PCDHA3: variants seen among roughly 807,000 people sequenced by gnomAD.
PCDHA3 encodes protocadherin alpha-3.
Under a neutral mutation model 62.2 loss-of-function variants are expected in PCDHA3, and 41 were observed. That is an observed-to-expected ratio of 0.66 (90% CI 0.51 to 0.86). The LOEUF (loss-of-function observed/expected upper bound fraction) is 0.86, where lower values mean the gene tolerates loss of function less well. Among genes scored for constraint, PCDHA3 ranks in the 40% least tolerant of loss-of-function variants. PCDHA3 has a pLI of 0.00. For missense variants in PCDHA3, 1,304 were observed against 1,241.2 expected (o/e 1.05, Z -0.76); for synonymous variants, 640 against 555.4 (o/e 1.15, Z -2.14).
At chr5:140,879,743 C>A (rs553188333) in intron 1 of PCDHA3, among the ~76,000 whole-genome samples, 2 of 152,274 alleles carry the variant, frequency 1.3e-5, no homozygotes, top group South Asian at 2.1e-4. Context: ...AAGGTGTTGT[C>A]AAGGCTATAC....
intron 1 of PCDHA3, chr5:140,966,601 T>C: frequency 1.5e-6 from 1 of 652,170 alleles, no homozygotes; most frequent in East Asian, 3.4e-5. Flanking sequence ...CCAGGAGCCC[T>C]TGGGAGGGCC....
chr5:140,985,572 C>G (rs2097158307), intron 3 of PCDHA3, among the ~76,000 whole-genome samples: 1 of 152,142 alleles, frequency 6.6e-6, no homozygotes, highest in Non-Finnish European at 1.5e-5. Context: ...CTTTCTGGTG[C>G]CTAAGCCTCC....
intron 1 of PCDHA3, chr5:140,834,738 G>A (rs2150225260): frequency 5.6e-6 from 9 of 1,614,242 alleles, no homozygotes; most frequent in Non-Finnish European, 7.6e-6. Context: ...GGTTTTCCAT[G>A]TGGACGTGGA....
Position 140,925,641 on chromosome 5 carries a change from T to TATAATAATAATA in PCDHA3, c.2395-53282_2395-53271dup, listed in dbSNP as rs10569930. On this transcript the variant is annotated intron_variant, in intron 1 of 3. Coordinates refer to ENST00000522353, the MANE Select transcript of PCDHA3 (RefSeq NM_018906.3). ...TGCACATGTACCCTAGAACTTAAAG[T>TATAATAATAATA]ATAATAATAATAATAATAATAATAA... 2.2e-3 allele frequency among the ~76,000 whole-genome samples: 310 copies of TATAATAATAATA among 143,350 alleles called. 1 individual carries two copies. The highest frequency in any genetic ancestry group is 2.8e-3 in the East Asian group (14 of 4,930). 94.0% of individuals were successfully genotyped at this position (143,350 alleles called of 152,430 possible).
At chr5:140,862,877 G>T in intron 1 of PCDHA3, 1 of 567,556 alleles carries the variant, frequency 1.8e-6, no homozygotes. Flanking sequence ...CCAGGTATTA[G>T]TGCTGGAACG....
At chr5:140,887,376 G>A (rs1169212781) in intron 1 of PCDHA3, among the ~76,000 whole-genome samples, 1 of 152,158 alleles carries the variant, frequency 6.6e-6, no homozygotes, top group Non-Finnish European at 1.5e-5. Context: ...GATTACAGGT[G>A]TGAGCCACCG....
Position 140,802,515 on chromosome 5 carries a change from A to G in PCDHA3, c.1318A>G (p.Ser440Gly), listed in dbSNP as rs782713590. 2.5e-6 allele frequency: 4 copies of G among 1,614,046 alleles called. No individual in the cohort carries two copies. Among genetic ancestry groups the G allele is most frequent in the African/African-American group, 2.7e-5 (2 of 74,936 alleles). Residue 440 changes from serine to glycine, a missense_variant, in exon 1 of 4, where the codon AGC (serine) becomes GGC (glycine). Coordinates refer to ENST00000522353, the MANE Select transcript of PCDHA3 (RefSeq NM_018906.3). ...CTCGCCTTCACTGTGGGCCACGGCC[A>G]GCGTGTCCGTGGAGGTGGCCGACGT... ...GGSPSLWATA[S>G]VSVEVADVND...
At chr5:140,857,184 G>C in intron 1 of PCDHA3, 1 of 1,598,552 alleles carries the variant, frequency 6.3e-7, no homozygotes. Flanking sequence ...CATGATTCAG[G>C]AGCCAACGGA....
At chr5:140,875,265 T>G in intron 1 of PCDHA3, 1 of 1,201,060 alleles carries the variant, frequency 8.3e-7, no homozygotes, top group Non-Finnish European at 1.1e-6. Context: ...GATGTCGCTC[T>G]ACACTCAGAA....
intron 1 of PCDHA3, among the ~76,000 whole-genome samples, chr5:140,939,849 G>A (rs1554212970): frequency 6.6e-6 from 1 of 152,134 alleles, no homozygotes; most frequent in Non-Finnish European, 1.5e-5. Context: ...GTTGTGTTCT[G>A]TATATGTCCA....
chr5:140,918,706 G>A (rs528090085), intron 1 of PCDHA3, among the ~76,000 whole-genome samples: 10 of 152,108 alleles, frequency 6.6e-5, no homozygotes, highest in Non-Finnish European at 1.5e-4. Context: ...AGTCATGAGG[G>A]CAGAGCCCTC....
At chr5:140,988,482 C>T (rs1017365611) in intron 3 of PCDHA3, among the ~76,000 whole-genome samples, 1 of 152,152 alleles carries the variant, frequency 6.6e-6, no homozygotes, top group Non-Finnish European at 1.5e-5. Flanking sequence ...GAATTAGCAT[C>T]CCCTACCTAG....
At chr5:140,864,528 T>C (rs2048505938) in intron 1 of PCDHA3, 1 of 152,240 alleles carries the variant, frequency 6.6e-6, no homozygotes, top group Non-Finnish European at 1.5e-5. Context: ...TACTTCTTAA[T>C]TTTTGTCTTC....
intron 1 of PCDHA3, among the ~76,000 whole-genome samples, chr5:140,840,430 A>T (rs1776694200): frequency 6.6e-6 from 1 of 151,990 alleles, no homozygotes; most frequent in Admixed American, 6.6e-5. Flanking sequence ...GCTAGTTTAA[A>T]GCCGTGGAAA....
chr5:140,922,790 C>G (rs1174493923), intron 1 of PCDHA3, among the ~76,000 whole-genome samples: 3 of 152,074 alleles, frequency 2.0e-5, no homozygotes, highest in African/African-American at 7.2e-5. Flanking sequence ...AAAACTGTAG[C>G]TTTGGAATAC....
chr5:140,814,918 G>A (rs2126660030), intron 1 of PCDHA3: 8 of 152,236 alleles, frequency 5.3e-5, no homozygotes, highest in African/African-American at 1.9e-4. Context: ...CTGGTGAATT[G>A]ACCTTTTATC....
chr5:140,823,087 G>A lies in PCDHA3; in HGVS notation c.2394+19496G>A, dbSNP rs144534621. 1,857 of 1,613,942 alleles carry A rather than the reference G, an allele frequency of 1.2e-3. 15 individuals are homozygous for A. In the African/African-American group the frequency reaches 0.019, roughly 16 times the overall value. On this transcript the variant is annotated intron_variant, in intron 1 of 3. Transcript: ENST00000522353. ...GGGCTCGCCTTCGCTGTGGGCCACC[G>A]CCAGCGTGTCTGTGGAAGTGGCCGA...
At chr5:140,956,890 G>T (rs2095318198) in intron 1 of PCDHA3, among the ~76,000 whole-genome samples, 3 of 152,136 alleles carry the variant, frequency 2.0e-5, no homozygotes, top group Non-Finnish European at 4.4e-5. Context: ...ATCAATGAAT[G>T]AATATTCTTA....
chr5:140,979,186 C>T, intron 2 of PCDHA3, 179 bp downstream of exon 2: 2 of 914,118 alleles, frequency 2.2e-6, no homozygotes, highest in Non-Finnish European at 2.6e-6. Context: ...ATGGTCAGTG[C>T]CAGATGCTTA....
Sources: gnomAD v4.1 joint callset for allele counts (sites outside exome capture counted in the v4.1 genomes callset) on GRCh38, gnomAD v4.1.1 for gene constraint, MANE v1.5 for transcripts, NCBI Gene and HGNC (gene_info 2026-07-23, HGNC 2026-07-21) for gene names.